The following SLC25A48 variants were observed in gnomAD, a reference collection of about 807,000 sequenced individuals.
The protein encoded by SLC25A48 is solute carrier family 25 member 48, also known as CTC-321K16.1.
In SLC25A48, 29 loss-of-function variants were observed where a neutral mutation model predicts 32.2. The ratio of observed to expected loss-of-function variants is 0.90; its 90% CI spans 0.67 to 1.23. The LOEUF (loss-of-function observed/expected upper bound fraction) is 1.23, where lower values mean the gene tolerates loss of function less well. SLC25A48 is among the 50% of genes most tolerant of loss of function. The pLI is 0.00. For missense variants in SLC25A48, 399 were observed against 422.7 expected (o/e 0.94, Z 0.49); for synonymous variants, 164 against 172.3 (o/e 0.95, Z 0.38).
intron 2 of SLC25A48, among the ~76,000 whole-genome samples, chr5:135,849,339 G>A (rs1423431420): frequency 2.0e-5 from 3 of 152,164 alleles, no homozygotes; most frequent in Non-Finnish European, 4.4e-5. Flanking sequence ...TCATGCCCAG[G>A]CATGACATGC....
chr5:135,630,921 A>G (rs1344404607), intron 2 of SLC25A48, among the ~76,000 whole-genome samples: 1 of 152,038 alleles, frequency 6.6e-6, no homozygotes, highest in Admixed American at 6.6e-5. Context: ...GCAGTATTCT[A>G]ATGAGCACAT....
chr5:135,695,031 C>T (rs1048915483), intron 3 of SLC25A48, among the ~76,000 whole-genome samples: 6 of 152,184 alleles, frequency 3.9e-5, no homozygotes, highest in African/African-American at 7.2e-5. Flanking sequence ...TGGCAGCCCT[C>T]GGCTTTGCAT....
chr5:135,761,839 C>G (rs1023494314), intron 3 of SLC25A48, among the ~76,000 whole-genome samples: 1 of 152,278 alleles, frequency 6.6e-6, no homozygotes, highest in East Asian at 1.9e-4. Context: ...GATCCTGCGC[C>G]CCCCACTTGG....
At chr5:135,763,307 G>A (rs758868907) in intron 3 of SLC25A48, among the ~76,000 whole-genome samples, 5 of 152,096 alleles carry the variant, frequency 3.3e-5, no homozygotes, top group Non-Finnish European at 7.4e-5. Context: ...GGTAGCAGCA[G>A]CAATGGCATC....
chr5:135,798,481 CT>C (rs1421525980), intron 3 of SLC25A48, among the ~76,000 whole-genome samples: 2 of 151,540 alleles, frequency 1.3e-5, no homozygotes, highest in African/African-American at 4.9e-5. Context: ...ACATTCCCCC[CT>C]GTGATATATT....
chr5:135,821,762 T>G (rs1757892856), intron 4 of SLC25A48: 1 of 152,250 alleles, frequency 6.6e-6, no homozygotes, highest in Non-Finnish European at 1.5e-5. Context: ...GACTTCATGA[T>G]GGAATCTTCT....
chr5:135,860,522 T>C (rs1472231218), intron 4 of SLC25A48, among the ~76,000 whole-genome samples: 1 of 152,232 alleles, frequency 6.6e-6, no homozygotes, highest in Non-Finnish European at 1.5e-5. Context: ...CCTGATGTGC[T>C]TGGATCCTCC....
intron 3 of SLC25A48, among the ~76,000 whole-genome samples, chr5:135,700,258 G>A (rs1754359618): frequency 6.7e-6 from 1 of 150,048 alleles, no homozygotes; most frequent in Non-Finnish European, 1.5e-5. Flanking sequence ...TGTAATCCCA[G>A]CTACTTGGGA....
chr5:135,798,668 A>T (rs1375094792), intron 3 of SLC25A48, among the ~76,000 whole-genome samples: 1 of 151,680 alleles, frequency 6.6e-6, no homozygotes, highest in African/African-American at 2.4e-5. Flanking sequence ...AGGTGAGAGG[A>T]TAATATTACT....
At chr5:135,725,491 G>A (rs1381441303) in intron 3 of SLC25A48, among the ~76,000 whole-genome samples, 1 of 152,204 alleles carries the variant, frequency 6.6e-6, no homozygotes, top group Non-Finnish European at 1.5e-5. Context: ...GGAGGCTGAA[G>A]GGACAGATTT....
intron 4 of SLC25A48, among the ~76,000 whole-genome samples, chr5:135,820,138 A>G (rs555856981): frequency 6.6e-6 from 1 of 152,322 alleles, no homozygotes; most frequent in South Asian, 2.1e-4. Context: ...TTCTAGCAGC[A>G]CTATTCACAA....
Position 135,827,417 on chromosome 5 carries a change from G to T in SLC25A48, c.-117+14491G>T, listed in dbSNP as rs117882612. 10 of 152,280 alleles carry T rather than the reference G, an allele frequency of 6.6e-5. No individual in the cohort carries two copies. In the East Asian group the frequency reaches 9.6e-4, roughly 15 times the overall value. The allele number at this position is 152,280 out of a possible 1,614,324, so 9.4% of individuals were successfully genotyped here. A position where few individuals can be genotyped will look rare whatever the true frequency, so the allele number is the denominator to read the frequency against. Reference sequence around the variant, plus strand: ...TCGGTCACACTAGAGTTACATCAAAGAAATTCTTTTTAGAAAATCTATTTT... The same window carrying T: ...TCGGTCACACTAGAGTTACATCAAATAAATTCTTTTTAGAAAATCTATTTT... On this transcript the variant is annotated intron_variant, in intron 4 of 10. Coordinates refer to the SLC25A48 transcript ENST00000646290.
In SLC25A48 at chr5:135,852,611, G is replaced by T. The variant is rs1196553890; in HGVS notation, c.211G>T (p.Val71Phe). 2.5e-5 allele frequency: 40 copies of T among 1,609,330 alleles called. No individual in the cohort carries two copies. Among genetic ancestry groups the T allele is most frequent in the Non-Finnish European group, 3.1e-5 (37 of 1,176,050 alleles). The change falls in exon 4 of 8, where the codon GTC becomes TTC. Residue 71 changes from valine (V) to phenylalanine (F), a missense_variant. Physicochemically the swap from Val to Phe is conservative, Grantham distance 50. Transcript: ENST00000681962. ...GMSFPLASIA[V>F]YNSVVFGVFS... is the part of the protein sequence containing the mutation. Reference sequence around the variant, plus strand: ...GTCCTTCCCCCTCGCCAGCATTGCCGTCTACAACTCCGTGGTGTTTGGGGT... The same window carrying T: ...GTCCTTCCCCCTCGCCAGCATTGCCTTCTACAACTCCGTGGTGTTTGGGGT...
intron 3 of SLC25A48, among the ~76,000 whole-genome samples, chr5:135,743,865 A>C (rs1309388976): frequency 6.6e-6 from 1 of 152,184 alleles, no homozygotes; most frequent in African/African-American, 2.4e-5. Context: ...TCCCATAAAC[A>C]AGGACATGTT....
At chr5:135,809,486 A>G (rs1248522240) in intron 3 of SLC25A48, among the ~76,000 whole-genome samples, 1 of 152,176 alleles carries the variant, frequency 6.6e-6, no homozygotes, top group Non-Finnish European at 1.5e-5. Flanking sequence ...TTTAAAAATC[A>G]GGTTTATTGA....
chr5:135,763,901 T>A (rs961281037), intron 3 of SLC25A48, among the ~76,000 whole-genome samples: 2 of 152,166 alleles, frequency 1.3e-5, no homozygotes, highest in Non-Finnish European at 2.9e-5. Context: ...TGAGACAGAT[T>A]CTCGCTCTGC....
At chr5:135,663,604 AG>A (rs1262821783) in intron 3 of SLC25A48, among the ~76,000 whole-genome samples, 10 of 152,258 alleles carry the variant, frequency 6.6e-5, no homozygotes, top group Non-Finnish European at 1.2e-4. Context: ...ATTACAGAAA[AG>A]TATACACCAT....
intron 7 of SLC25A48, among the ~76,000 whole-genome samples, chr5:135,887,815 C>T (rs1485205059): frequency 1.3e-5 from 2 of 152,196 alleles, no homozygotes; most frequent in African/African-American, 4.8e-5. Context: ...TGTGCTCTTG[C>T]AGGCAGCAGT....
intron 3 of SLC25A48, among the ~76,000 whole-genome samples, chr5:135,773,684 G>A (rs1172607209): frequency 5.3e-5 from 8 of 151,536 alleles, no homozygotes; most frequent in Non-Finnish European, 1.2e-4. Context: ...TAATATCCAG[G>A]AAGGGAGAAG....
Sources: gnomAD v4.1 joint callset for allele counts (sites outside exome capture counted in the v4.1 genomes callset) on GRCh38, gnomAD v4.1.1 for gene constraint, MANE v1.5 for transcripts, NCBI Gene and HGNC (gene_info 2026-07-23, HGNC 2026-07-21) for gene names.